The following VIPR2 variants were observed in gnomAD, a reference collection of about 807,000 sequenced individuals.
VIPR2 encodes vasoactive intestinal peptide receptor 2, also known as vasoactive intestinal polypeptide receptor 2.
Under a neutral mutation model 58.0 loss-of-function variants are expected in VIPR2, and 48 were observed. The ratio of observed to expected loss-of-function variants is 0.83; its 90% CI spans 0.66 to 1.05. The LOEUF is 1.05. Ranked by LOEUF, VIPR2 falls within the 50% of genes least tolerant of loss-of-function variation. VIPR2 has a pLI of 0.00. For synonymous variants in VIPR2, 243 were observed against 235.2 expected (o/e 1.03, Z -0.30); for missense variants, 534 against 558.0 (o/e 0.96, Z 0.43).
intron 2 of VIPR2, among the ~76,000 whole-genome samples, chr7:159,119,160 C>A (rs549375440): frequency 6.6e-6 from 1 of 152,264 alleles, no homozygotes. Context: ...CAGGCCCTGG[C>A]GATTCTGACA....
At chr7:159,091,653 G>C (rs1473095032) in intron 4 of VIPR2, among the ~76,000 whole-genome samples, 1 of 152,198 alleles carries the variant, frequency 6.6e-6, no homozygotes, top group Non-Finnish European at 1.5e-5. Flanking sequence ...GGAACGAGGG[G>C]CCATGAGACC....
intron 4 of VIPR2, among the ~76,000 whole-genome samples, chr7:159,063,729 TCG>T: frequency 2.1e-5 from 2 of 97,290 alleles, no homozygotes; most frequent in East Asian, 6.2e-4. Flanking sequence ...TCCTGGCGGG[TCG>T]GAGGGCCTGG....
intron 8 of VIPR2, chr7:159,035,750 C>T: frequency 1.0e-6 from 1 of 985,454 alleles, no homozygotes; most frequent in Non-Finnish European, 1.2e-6. Flanking sequence ...CACTTCCTGT[C>T]TCCTGCACGG....
intron 2 of VIPR2, among the ~76,000 whole-genome samples, chr7:159,118,994 C>T (rs1381105357): frequency 2.0e-5 from 3 of 152,252 alleles, no homozygotes; most frequent in South Asian, 2.1e-4. Context: ...TAAACACCCA[C>T]ACCCCAGGGG....
chr7:159,138,474 C>G (rs1797317670), intron 2 of VIPR2, among the ~76,000 whole-genome samples: 1 of 152,168 alleles, frequency 6.6e-6, no homozygotes, highest in Non-Finnish European at 1.5e-5. Flanking sequence ...AAAACGGTCA[C>G]TAGAACATTG....
intron 5 of VIPR2, among the ~76,000 whole-genome samples, chr7:159,046,216 A>G (rs935113008): frequency 1.3e-5 from 2 of 152,190 alleles, no homozygotes; most frequent in Admixed American, 1.3e-4. Flanking sequence ...ACTTGTAGGT[A>G]TACGCTCCAA....
intron 5 of VIPR2, among the ~76,000 whole-genome samples, chr7:159,046,196 C>T (rs1392390677): frequency 6.6e-6 from 1 of 152,076 alleles, no homozygotes; most frequent in Non-Finnish European, 1.5e-5. Context: ...ACAATATGCC[C>T]CAGAATTCCA....
intron 2 of VIPR2, among the ~76,000 whole-genome samples, chr7:159,120,805 G>A (rs1458638552): frequency 1.3e-5 from 2 of 152,174 alleles, no homozygotes; most frequent in Non-Finnish European, 2.9e-5. Flanking sequence ...GTGAGCAGGT[G>A]CCTCTGTCCC....
chr7:159,066,010 C>A (rs77543720), intron 4 of VIPR2, among the ~76,000 whole-genome samples: 3,069 of 152,354 alleles, frequency 0.02, 55 homozygotes, highest in Non-Finnish European at 0.028. Flanking sequence ...GTAGGTTTTC[C>A]TTTAGGGGCC....
At chr7:159,136,285 C>G (rs2129497922) in intron 2 of VIPR2, among the ~76,000 whole-genome samples, 1 of 151,124 alleles carries the variant, frequency 6.6e-6, no homozygotes, top group African/African-American at 2.4e-5. Flanking sequence ...TAAAACCTAT[C>G]CCTTGAAAAC....
chr7:159,086,902 T>C (rs1857206823), intron 4 of VIPR2, among the ~76,000 whole-genome samples: 2 of 152,240 alleles, frequency 1.3e-5, no homozygotes, highest in South Asian at 4.1e-4. Flanking sequence ...GCAGGTTGTC[T>C]TCAGGTTCTG....
intron 4 of VIPR2, among the ~76,000 whole-genome samples, chr7:159,084,515 C>G (rs1857072409): frequency 6.6e-6 from 1 of 152,216 alleles, no homozygotes; most frequent in South Asian, 2.1e-4. Context: ...GTTCCCTCTG[C>G]CAGGCTTCAG....
chr7:159,061,479 C>G (rs948224795), intron 4 of VIPR2, among the ~76,000 whole-genome samples: 2 of 151,624 alleles, frequency 1.3e-5, no homozygotes, highest in African/African-American at 4.8e-5. Flanking sequence ...ACACCCCCGT[C>G]TCCATAAAAA....
At chr7:159,074,973 A>G (rs549747281) in intron 4 of VIPR2, among the ~76,000 whole-genome samples, 1 of 152,358 alleles carries the variant, frequency 6.6e-6, no homozygotes, top group South Asian at 2.1e-4. Context: ...GAGTGTCTCT[A>G]TGTCTATGAA....
intron 4 of VIPR2, among the ~76,000 whole-genome samples, chr7:159,080,307 T>C (rs1339782192): frequency 6.6e-6 from 1 of 152,202 alleles, no homozygotes; most frequent in Non-Finnish European, 1.5e-5. Context: ...GCAAGGCTGG[T>C]TCAACATACG....
chr7:159,109,556 G>A (rs187071819), intron 3 of VIPR2, among the ~76,000 whole-genome samples: 33 of 152,286 alleles, frequency 2.2e-4, no homozygotes, highest in Admixed American at 2.0e-3. Flanking sequence ...CCGTGCTTTG[G>A]TTCCCATTTG....
At position 159,031,690 on chromosome 7, in the gene VIPR2, C is replaced by G; in HGVS notation, c.1143+138G>C. On this transcript the variant is annotated intron_variant, in intron 12 of 12. Coordinates refer to ENST00000262178, the MANE Select transcript of VIPR2 (RefSeq NM_003382.5). The surrounding 1 kb of genome is among the most constrained non-coding windows in gnomAD (Gnocchi z 4.0). The stretch of plus-strand genomic sequence containing the variant: ...GTCGTTGTGGGTTCTCTGATGGGGA[C>G]ACAGAACTGTGGGGTCCCGGGCAGT... 2.0e-6 allele frequency: 3 copies of G among 1,527,578 alleles called. No individual in the cohort carries two copies. The highest frequency in any genetic ancestry group is 2.6e-6 in the Non-Finnish European group (3 of 1,143,210). 94.6% of individuals were successfully genotyped at this position (1,527,578 alleles called of 1,614,324 possible).
intron 5 of VIPR2, among the ~76,000 whole-genome samples, chr7:159,050,010 A>G (rs1854891981): frequency 6.6e-6 from 1 of 152,222 alleles, no homozygotes; most frequent in African/African-American, 2.4e-5. Flanking sequence ...GTATGCCAGA[A>G]ACAGGACTAA....
intron 2 of VIPR2, among the ~76,000 whole-genome samples, chr7:159,123,027 G>A (rs1176948842): frequency 2.0e-5 from 3 of 152,082 alleles, no homozygotes; most frequent in Non-Finnish European, 4.4e-5. Flanking sequence ...GGGCGCAGTA[G>A]CTCACGCTTG....
Sources: gnomAD v4.1 joint callset for allele counts (sites outside exome capture counted in the v4.1 genomes callset) on GRCh38, gnomAD v4.1.1 for gene constraint, Gnocchi (gnomAD v3.1) non-coding constraint, MANE v1.5 for transcripts, NCBI Gene and HGNC (gene_info 2026-07-23, HGNC 2026-07-21) for gene names.